The following ZFC3H1 variants were observed in gnomAD, a reference collection of about 807,000 sequenced individuals.
The protein encoded by ZFC3H1 is zinc finger C3H1 domain-containing protein.
Under a neutral mutation model 243.7 loss-of-function variants are expected in ZFC3H1, and 71 were observed. The ratio of observed to expected loss-of-function variants is 0.29; its 90% confidence interval spans 0.24 to 0.36. ZFC3H1 has a LOEUF of 0.36. ZFC3H1 is among the 10% of genes least tolerant of loss of function. The pLI is 1.00. For missense variants in ZFC3H1, 1,966 were observed against 2,317.1 expected (o/e 0.85, Z 3.11); for synonymous variants, 838 against 813.0 (o/e 1.03, Z -0.52).
rs1434296234 is a variant in ZFC3H1, at chr12:71,633,254, A to C, written c.2685+10T>G. 6.4e-7 allele frequency: 1 copy of C among 1,566,612 alleles called. No individual in the cohort carries two copies. The highest frequency in any genetic ancestry group is 2.3e-5 in the East Asian group (1 of 44,170). ...GTAAACAGGAGACTACAGTATTTTAAAATAATTACTTGTTCCTGAAGCTTC... is the reference window on the plus strand; with the variant it reads ...GTAAACAGGAGACTACAGTATTTTACAATAATTACTTGTTCCTGAAGCTTC... On this transcript the variant is annotated intron_variant, in intron 13 of 34. Transcript: ENST00000378743.
At position 71,610,668 on chromosome 12, in the gene ZFC3H1, GATAAA is replaced by G; in HGVS notation, c.5832+22_5832+26del. Reference sequence around the variant, plus strand: ...CAGAAAATTTACAGGAAAACATCGAGATAAAATAAAAGATAAAAAGCATTACATCT... The same window carrying G: ...CAGAAAATTTACAGGAAAACATCGAGATAAAAGATAAAAAGCATTACATCT... On this transcript the variant is annotated intron_variant, in intron 34 of 34. Transcript: ENST00000378743. The G allele has an allele frequency of 1.9e-6, 3 of 1,612,392 alleles. No homozygotes were observed. The South Asian group carries it at 3.3e-5, about 18-fold the overall frequency.
intron 16 of ZFC3H1, 149 bp downstream of exon 16, chr12:71,631,628 AC>A (rs764969160): frequency 9.4e-6 from 6 of 639,328 alleles, no homozygotes; most frequent in Non-Finnish European, 1.5e-5. Flanking sequence ...ACGGCAGGAC[AC>A]TTAATTTTTA....
At chr12:71,650,118 G>A (rs1000592359) in intron 2 of ZFC3H1, among the ~76,000 whole-genome samples, 2 of 152,096 alleles carry the variant, frequency 1.3e-5, no homozygotes, top group Non-Finnish European at 2.9e-5. Context: ...AACCTGGGAG[G>A]TGGAGCCTGC....
intron 6 of ZFC3H1, among the ~76,000 whole-genome samples, chr12:71,638,838 C>T (rs1191167565): frequency 1.4e-5 from 2 of 146,224 alleles, no homozygotes; most frequent in East Asian, 3.9e-4. Context: ...CAAAAAAAAA[C>T]ACAAGCATAT....
chr12:71,633,488 A>G (rs1264227255), intron 12 of ZFC3H1, 50 bp from the exon 13 acceptor site: 7 of 1,437,388 alleles, frequency 4.9e-6, no homozygotes, highest in Non-Finnish European at 5.6e-6. Flanking sequence ...ACAAGAGCAG[A>G]CTGTCAGAAT....
chr12:71,620,272 T>C lies in ZFC3H1; in HGVS notation c.4788A>G (p.Glu1596=). The C allele has an allele frequency of 6.2e-7, 1 of 1,614,178 alleles. No homozygotes were observed. Among genetic ancestry groups the C allele is most frequent in the South Asian group, 1.1e-5 (1 of 91,084 alleles). ...ACTDESLAVE[E]RIEACLPLYT... ...AAAGTGGAAGGCAGGCCTCTATTCT[T>C]TCCTCAACAGCAAGGCTCTCATCTG... is the stretch of plus-strand genomic sequence containing the variant. Residue 1596 remains glutamate, a synonymous_variant, in exon 25 of 35, where the codon GAA becomes GAG. Coordinates refer to ENST00000378743, the MANE Select transcript of ZFC3H1 (RefSeq NM_144982.5).
intron 6 of ZFC3H1, among the ~76,000 whole-genome samples, chr12:71,641,119 T>A (rs1880592149): frequency 6.6e-6 from 1 of 152,142 alleles, no homozygotes; most frequent in African/African-American, 2.4e-5. Flanking sequence ...TTTCACAAAA[T>A]CATTTAAAAA....
At chr12:71,660,283 G>C (rs1881131930) in intron 1 of ZFC3H1, 2 of 152,096 alleles carry the variant, frequency 1.3e-5, no homozygotes, top group Non-Finnish European at 2.9e-5. Flanking sequence ...TATTTTGTTT[G>C]CTCACATTAT....
intron 3 of ZFC3H1, among the ~76,000 whole-genome samples, chr12:71,645,687 T>C (rs1880712046): frequency 6.6e-6 from 1 of 152,260 alleles, no homozygotes; most frequent in Non-Finnish European, 1.5e-5. Flanking sequence ...TTTTATATAT[T>C]TTGAACAGAC....
At chr12:71,631,040 T>A in intron 16 of ZFC3H1, 86 bp from the exon 17 acceptor site, 1 of 1,366,726 alleles carries the variant, frequency 7.3e-7, no homozygotes, top group Non-Finnish European at 9.7e-7. Context: ...CTTTCTCAAG[T>A]TAAAATTTCC....
Position 71,631,853 on chromosome 12 carries a change from T to C in ZFC3H1, c.3395A>G (p.Gln1132Arg), listed in dbSNP as rs765203703. 2.3e-5 allele frequency: 37 copies of C among 1,613,684 alleles called. 1 individual carries two copies. The highest frequency in any genetic ancestry group is 3.3e-5 in the Admixed American group (2 of 59,988). ...TGGCTTCACTTCCATTGTTTTACTTTGTGCTGTGACAAAATCCACATCTAC... is the reference window on the plus strand; with the variant it reads ...TGGCTTCACTTCCATTGTTTTACTTCGTGCTGTGACAAAATCCACATCTAC... ...ISVDVDFVTAQSKTMEVKPCP... is the reference protein window; with the variant it reads ...ISVDVDFVTARSKTMEVKPCP... Residue 1132 changes from glutamine (Q) to arginine (R), a missense_variant, in exon 16 of 35, where the codon CAA (glutamine) becomes CGA (arginine). Gln to Arg is a conservative substitution (Grantham distance 43). This residue lies in a region of ZFC3H1 where 1,383 missense variants were observed against 1,723.7 expected (regional missense o/e 0.80). Coordinates refer to ENST00000378743, the MANE Select transcript of ZFC3H1 (RefSeq NM_144982.5).
At chr12:71,644,483 C>T (rs1363740301) in intron 4 of ZFC3H1, among the ~76,000 whole-genome samples, 165 bp from the exon 5 acceptor site, 1 of 152,152 alleles carries the variant, frequency 6.6e-6, no homozygotes, top group Non-Finnish European at 1.5e-5. Flanking sequence ...AAACTCAAAA[C>T]TCTGAATTAA....
intron 27 of ZFC3H1, among the ~76,000 whole-genome samples, chr12:71,617,222 A>G (rs1337164588): frequency 2.0e-5 from 3 of 152,242 alleles, no homozygotes; most frequent in Admixed American, 6.5e-5. Flanking sequence ...TAAAAAACTT[A>G]TATCAATATA....
Position 71,663,618 on chromosome 12 carries a change from G to C in ZFC3H1, c.-8C>G. The C allele has an allele frequency of 1.2e-6, 2 of 1,605,472 alleles. No individual in the cohort carries two copies. The highest frequency in any genetic ancestry group is 1.7e-6 in the Non-Finnish European group (2 of 1,178,174). The stretch of plus-strand genomic sequence containing the variant: ...AGTATCTGCGGTCGCCATCCGGGGA[G>C]CAGCGCCTTCCACACAACCTTAGCC... On this transcript the variant is annotated 5_prime_UTR_variant, in exon 1 of 35. Coordinates refer to ENST00000378743, the MANE Select transcript of ZFC3H1 (RefSeq NM_144982.5).
chr12:71,621,165 C>G (rs944817499), intron 24 of ZFC3H1, among the ~76,000 whole-genome samples: 8 of 152,182 alleles, frequency 5.3e-5, no homozygotes, highest in Admixed American at 3.9e-4. Flanking sequence ...AAAAATATCT[C>G]ATAGCCTCAA....
chr12:71,642,638 T>G, intron 5 of ZFC3H1, 79 bp from the exon 6 acceptor site: 1 of 1,478,518 alleles, frequency 6.8e-7, no homozygotes, highest in Non-Finnish European at 9.1e-7. Flanking sequence ...ATAGTTATCT[T>G]CTATGGAAGA....
intron 1 of ZFC3H1, among the ~76,000 whole-genome samples, chr12:71,659,026 T>A (rs1488119947): frequency 6.6e-6 from 1 of 152,150 alleles, no homozygotes; most frequent in Non-Finnish European, 1.5e-5. Flanking sequence ...TAACTCCGCA[T>A]CTCCCTTTGT....
At chr12:71,653,585 C>T (rs1880943104) in intron 2 of ZFC3H1, among the ~76,000 whole-genome samples, 1 of 152,150 alleles carries the variant, frequency 6.6e-6, no homozygotes, top group Non-Finnish European at 1.5e-5. Context: ...TCACACAGTT[C>T]AACTACAGAA....
chr12:71,663,435 T>A lies in ZFC3H1; in HGVS notation c.176A>T (p.His59Leu), dbSNP rs1565835634. ...LLPYPRRRPP[H>L]SARGGGSGGG... Reference sequence around the variant, plus strand: ...GCCAGATCCACCGCCCCGGGCCGAGTGAGGAGGCCTTCGCCGCGGATAGGG... The same window carrying A: ...GCCAGATCCACCGCCCCGGGCCGAGAGAGGAGGCCTTCGCCGCGGATAGGG... The change falls in exon 1 of 35, where the codon CAC becomes CTC. Residue 59 changes from histidine to leucine, a missense_variant. Around this residue, in one of 4 missense-constraint regions of ZFC3H1, gnomAD observed 484 missense variants for 449.7 expected, o/e 1.08. Coordinates refer to ENST00000378743, the MANE Select transcript of ZFC3H1 (RefSeq NM_144982.5). 6.2e-7 allele frequency: 1 copy of A among 1,611,744 alleles called. No individual in the cohort carries two copies. Among genetic ancestry groups the A allele is most frequent in the African/African-American group, 1.3e-5 (1 of 74,922 alleles).
Sources: allele counts gnomAD v4.1 joint callset (sites outside exome capture counted in the v4.1 genomes callset), GRCh38; gene constraint gnomAD v4.1.1; regional missense constraint gnomAD v4.1.1; transcripts MANE v1.5; gene names NCBI Gene and HGNC (gene_info 2026-07-23, HGNC 2026-07-21).